The following BFAR variants were observed in gnomAD, a reference collection of about 807,000 sequenced individuals.
BFAR encodes bifunctional apoptosis regulator, also known as RING finger protein 47.
A neutral mutation model predicts 54.4 loss-of-function variants in BFAR; 52 were observed. That is an observed-to-expected ratio of 0.96 (90% CI 0.77 to 1.21). The LOEUF (loss-of-function observed/expected upper bound fraction) is 1.21, where lower values mean the gene tolerates loss of function less well. Among genes scored for constraint, BFAR ranks in the 50% most tolerant of loss-of-function variants. The pLI is 0.00. For missense variants in BFAR, 571 were observed against 534.0 expected, an observed-to-expected ratio of 1.07 and a Z score of -0.68; for synonymous variants, 215 against 204.3, an observed-to-expected ratio of 1.05 and a Z score of -0.45.
chr16:14,651,757 G>C (rs2151840087), intron 4 of BFAR, among the ~76,000 whole-genome samples: 1 of 151,888 alleles, frequency 6.6e-6, no homozygotes, highest in East Asian at 1.9e-4. Flanking sequence ...TGTGATTATA[G>C]GCATGAGCCC....
intron 4 of BFAR, among the ~76,000 whole-genome samples, chr16:14,651,962 C>A (rs1358118532): frequency 6.8e-6 from 1 of 146,744 alleles, no homozygotes; most frequent in East Asian, 2.1e-4. Context: ...TCCTGGCTCA[C>A]TGCAACCTCC....
chr16:14,637,404 G>T (rs1959484937), intron 1 of BFAR, among the ~76,000 whole-genome samples: 1 of 151,990 alleles, frequency 6.6e-6, no homozygotes, highest in Non-Finnish European at 1.5e-5. Context: ...TTCCAACCAG[G>T]GACCAGACCA....
At chr16:14,658,665 G>A (rs1346505885) in intron 5 of BFAR, among the ~76,000 whole-genome samples, 2 of 151,342 alleles carry the variant, frequency 1.3e-5, no homozygotes, top group Admixed American at 6.6e-5. Context: ...CCCGGGAGAC[G>A]GAGCTTGCAG....
At chr16:14,663,574 G>A (rs534020758) in intron 6 of BFAR, among the ~76,000 whole-genome samples, 11 of 148,866 alleles carry the variant, frequency 7.4e-5, no homozygotes, top group East Asian at 4.2e-4. Context: ...CTCGTAATCC[G>A]CCCTCCTCAG....
chr16:14,667,874 G>A lies in BFAR; in HGVS notation c.*47G>A, dbSNP rs1960489218. On this transcript the variant is annotated 3_prime_UTR_variant, in exon 8 of 8. Coordinates refer to ENST00000261658, the MANE Select transcript of BFAR (RefSeq NM_016561.3). Reference sequence around the variant, plus strand: ...CTCTTCAAGTCCCGCTGACGTCTGAGCTTTGATGCTTAAGAGGGGTGAGGC... The same window carrying A: ...CTCTTCAAGTCCCGCTGACGTCTGAACTTTGATGCTTAAGAGGGGTGAGGC... The A allele has an allele frequency of 6.4e-7, 1 of 1,564,814 alleles. No homozygotes were observed.
intron 6 of BFAR, among the ~76,000 whole-genome samples, chr16:14,662,285 A>G (rs561103318): frequency 6.6e-6 from 1 of 152,166 alleles, no homozygotes; most frequent in East Asian, 1.9e-4. Flanking sequence ...ATCATCAAGT[A>G]TCATCCACAC....
At position 14,668,091 on chromosome 16, in the gene BFAR, C is replaced by A; in HGVS notation, c.*264C>A. 2.0e-6 allele frequency: 1 copy of A among 492,322 alleles called. No individual in the cohort carries two copies. Among genetic ancestry groups the A allele is most frequent in the South Asian group, 3.4e-5 (1 of 29,446 alleles). The allele number at this position is 492,322 out of a possible 1,614,324, so 30.5% of individuals were successfully genotyped here. A position where few individuals can be genotyped will look rare whatever the true frequency, so the allele number is the denominator to read the frequency against. On this transcript the variant is annotated 3_prime_UTR_variant, in exon 8 of 8. Coordinates refer to ENST00000261658, the MANE Select transcript of BFAR (RefSeq NM_016561.3). ...CACCCAGCCACCTTCCTCACAGGGACTAGGAGGCTCAGTCCCCAACGGCTG... is the reference window on the plus strand; with the variant it reads ...CACCCAGCCACCTTCCTCACAGGGAATAGGAGGCTCAGTCCCCAACGGCTG...
At chr16:14,651,479 G>A (rs1165457560) in intron 4 of BFAR, among the ~76,000 whole-genome samples, 2 of 152,074 alleles carry the variant, frequency 1.3e-5, no homozygotes, top group East Asian at 3.9e-4. Flanking sequence ...CCGGAGTATT[G>A]TGTTTTTGTT....
intron 1 of BFAR, among the ~76,000 whole-genome samples, chr16:14,637,449 G>C (rs1322780416): frequency 1.3e-5 from 2 of 151,962 alleles, no homozygotes; most frequent in Non-Finnish European, 2.9e-5. Context: ...TTACTAGTTA[G>C]AACTCCATTT....
chr16:14,649,800 C>G lies in BFAR; in HGVS notation c.469-4C>G. On this transcript the variant is annotated splice_region_variant and splice_polypyrimidine_tract_variant and intron_variant, in intron 3 of 7. Coordinates refer to ENST00000261658, the MANE Select transcript of BFAR (RefSeq NM_016561.3). ...GGTTTAAAGTCCCTGTCACTTTTCCCCAGGTGGTCCTGCTCGTCTATCACT... is the reference window on the plus strand; with the variant it reads ...GGTTTAAAGTCCCTGTCACTTTTCCGCAGGTGGTCCTGCTCGTCTATCACT... 6.3e-7 allele frequency: 1 copy of G among 1,588,036 alleles called. No individual in the cohort carries two copies. Among genetic ancestry groups the G allele is most frequent in the Non-Finnish European group, 8.6e-7 (1 of 1,164,148 alleles).
In BFAR at chr16:14,662,074, G is replaced by A. The variant is rs1960306920; in HGVS notation, c.957+9G>A. 5 of 1,613,868 alleles carry A rather than the reference G, an allele frequency of 3.1e-6. No individual in the cohort carries two copies. The highest frequency in any genetic ancestry group is 4.2e-6 in the Non-Finnish European group (5 of 1,179,784). On this transcript the variant is annotated intron_variant, in intron 6 of 7. Coordinates refer to ENST00000261658, the MANE Select transcript of BFAR (RefSeq NM_016561.3). ...TCGTCACCAAGCTTCTGGTAGGTCT[G>A]CACAGTGCCTGGAATAAAGTTATTC...
intron 2 of BFAR, among the ~76,000 whole-genome samples, chr16:14,647,438 G>A (rs888544677): frequency 1.3e-5 from 2 of 151,370 alleles, no homozygotes; most frequent in African/African-American, 2.4e-5. Context: ...GCTCATGCCT[G>A]TAATCCCAGT....
rs549138855 is a variant in BFAR, at chr16:14,650,257, G to A, written c.638+284G>A. ...AGACAGGAGAATCACTTGAACCCAAGAGGTGGAGGTTACAATGAGCCAAGA... is the reference window on the plus strand; with the variant it reads ...AGACAGGAGAATCACTTGAACCCAAAAGGTGGAGGTTACAATGAGCCAAGA... On this transcript the variant is annotated intron_variant, in intron 4 of 7. Transcript: ENST00000261658. The A allele has an allele frequency of 6.0e-4, 155 of 259,138 alleles. 1 individual carries two copies. The highest frequency in any genetic ancestry group is 9.7e-4 in the Non-Finnish European group (133 of 137,702). The allele number at this position is 259,138 out of a possible 1,614,324, so 16.1% of individuals were successfully genotyped here. A position where few individuals can be genotyped will look rare whatever the true frequency, so the allele number is the denominator to read the frequency against.
At chr16:14,657,375 A>G (rs1469295056) in intron 5 of BFAR, among the ~76,000 whole-genome samples, 5 of 151,578 alleles carry the variant, frequency 3.3e-5, no homozygotes, top group Non-Finnish European at 4.4e-5. Context: ...CAGCCTCCCA[A>G]GTAGCTGGGA....
At chr16:14,634,543 G>A (rs1466432843) in intron 1 of BFAR, among the ~76,000 whole-genome samples, 3 of 152,212 alleles carry the variant, frequency 2.0e-5, no homozygotes, top group Non-Finnish European at 2.9e-5. Flanking sequence ...AAACCTCACA[G>A]CAGGGCGGGG....
chr16:14,659,225 G>GTTTTTTTTTTTTT (rs1295639386), intron 5 of BFAR, among the ~76,000 whole-genome samples: 1 of 141,298 alleles, frequency 7.1e-6, no homozygotes, highest in African/African-American at 2.6e-5. Flanking sequence ...ATGCAATTTG[G>GTTTTTTTTTTTTT]TTTTTTTTGT....
intron 6 of BFAR, among the ~76,000 whole-genome samples, chr16:14,662,568 G>A (rs558331268): frequency 6.6e-6 from 1 of 152,210 alleles, no homozygotes; most frequent in African/African-American, 2.4e-5. Context: ...CTCCCAGGCT[G>A]GAGTACAGTG....
intron 2 of BFAR, among the ~76,000 whole-genome samples, chr16:14,645,500 G>A (rs186106227): frequency 6.6e-6 from 1 of 152,164 alleles, no homozygotes; most frequent in East Asian, 1.9e-4. Flanking sequence ...CTGCTTCTTT[G>A]GCTCATAATG....
At chr16:14,665,928 T>C (rs1960429521) in intron 7 of BFAR, among the ~76,000 whole-genome samples, 1 of 152,110 alleles carries the variant, frequency 6.6e-6, no homozygotes. Flanking sequence ...AGGATAATAA[T>C]AACTTAGGCT....
Sources: gnomAD v4.1 joint callset for allele counts (sites outside exome capture counted in the v4.1 genomes callset) on GRCh38, gnomAD v4.1.1 for gene constraint, MANE v1.5 for transcripts, NCBI Gene and HGNC (gene_info 2026-07-23, HGNC 2026-07-21) for gene names.